Variants in METAP1D observed in about 807,000 individuals in gnomAD.
METAP1D encodes methionyl aminopeptidase type 1D, mitochondrial, also known as methionine aminopeptidase 1D, mitochondrial.
In METAP1D, 31 loss-of-function variants were observed where a neutral mutation model predicts 40.5. The ratio of observed to expected loss-of-function variants is 0.77; its 90% CI spans 0.58 to 1.03. The LOEUF is 1.03. METAP1D is among the 50% of genes least tolerant of loss of function. The pLI, the probability that METAP1D is intolerant of heterozygous loss-of-function variation, is 0.00. For missense variants in METAP1D, 411 were observed against 420.7 expected, an observed-to-expected ratio of 0.98 and a Z score of 0.20; for synonymous variants, 151 against 146.4, an observed-to-expected ratio of 1.03 and a Z score of -0.22.
At chr2:172,039,175 G>A (rs539143565) in intron 1 of METAP1D, among the ~76,000 whole-genome samples, 1 of 152,082 alleles carries the variant, frequency 6.6e-6, no homozygotes, top group Non-Finnish European at 1.5e-5. Context: ...GCTCTGCATT[G>A]TTTCTCCAAC....
At chr2:172,019,778 A>G (rs1305006878) in intron 1 of METAP1D, among the ~76,000 whole-genome samples, 1 of 152,150 alleles carries the variant, frequency 6.6e-6, no homozygotes, top group Admixed American at 6.6e-5. Flanking sequence ...CTCAAGTACC[A>G]TTTGATTTAG....
chr2:172,030,072 A>ATTTT (rs1166117446), intron 1 of METAP1D, among the ~76,000 whole-genome samples: 2 of 141,392 alleles, frequency 1.4e-5, no homozygotes, highest in Non-Finnish European at 3.1e-5. Context: ...CCTACATTTT[A>ATTTT]TTTTATTTTA....
intron 7 of METAP1D, among the ~76,000 whole-genome samples, chr2:172,078,875 C>T (rs1419067968): frequency 2.6e-5 from 4 of 152,138 alleles, no homozygotes; most frequent in Non-Finnish European, 4.4e-5. Context: ...AGGCCCAGGA[C>T]CCAGTAGTAG....
intron 1 of METAP1D, among the ~76,000 whole-genome samples, chr2:172,042,693 ACACATATACGTGTGTG>A: frequency 5.6e-5 from 1 of 17,762 alleles, no homozygotes; most frequent in African/African-American, 1.3e-4. Flanking sequence ...GTATATGTGT[ACACATATACGTGTGTG>A]TGTGTATATG....
chr2:172,073,802 A>AC (rs564720935), intron 6 of METAP1D, among the ~76,000 whole-genome samples: 65 of 152,312 alleles, frequency 4.3e-4, no homozygotes, highest in Non-Finnish European at 8.1e-4. Context: ...AGGTTTACAA[A>AC]CATCTTTCAA....
At chr2:172,016,300 A>AATATATATATATATATATATAT (rs1188835723) in intron 1 of METAP1D, among the ~76,000 whole-genome samples, 8 of 40,056 alleles carry the variant, frequency 2.0e-4, no homozygotes, top group Non-Finnish European at 3.2e-4. Flanking sequence ...AAAAAAAAAA[A>AATATATATATATATATATATAT]ATATATATAT....
intron 1 of METAP1D, among the ~76,000 whole-genome samples, chr2:172,035,072 G>C (rs1177195839): frequency 6.7e-6 from 1 of 150,340 alleles, no homozygotes; most frequent in Non-Finnish European, 1.5e-5. Context: ...GAAATATGTA[G>C]AGAGAAACGT....
intron 1 of METAP1D, among the ~76,000 whole-genome samples, chr2:172,016,300 A>AAAATATAT (rs1553490378): frequency 4.2e-4 from 17 of 40,050 alleles, no homozygotes; most frequent in Admixed American, 1.4e-3. Flanking sequence ...AAAAAAAAAA[A>AAAATATAT]ATATATATAT....
At chr2:172,043,003 A>G (rs1358359684) in intron 1 of METAP1D, among the ~76,000 whole-genome samples, 3 of 100,316 alleles carry the variant, frequency 3.0e-5, no homozygotes, top group African/African-American at 5.5e-5. Flanking sequence ...GTGTACACAT[A>G]TATGTGTATG....
At chr2:172,015,573 G>A (rs1688835570) in intron 1 of METAP1D, among the ~76,000 whole-genome samples, 1 of 152,208 alleles carries the variant, frequency 6.6e-6, no homozygotes, top group East Asian at 1.9e-4. Flanking sequence ...CATAAGTTGA[G>A]ATGGGCTGTT....
intron 1 of METAP1D, among the ~76,000 whole-genome samples, chr2:172,009,068 T>C (rs1420474996): frequency 3.3e-5 from 5 of 150,824 alleles, no homozygotes; most frequent in Middle Eastern, 3.4e-3. Context: ...TGAGACAGAG[T>C]CTCGCCGTGT....
In METAP1D at chr2:172,042,197, A is replaced by G. The variant is rs1439946661; in HGVS notation, c.41-19301A>G. Among the ~76,000 whole-genome samples, 172 of 43,422 alleles carry G rather than the reference A, an allele frequency of 4.0e-3. 30 individuals carry two copies. The highest frequency in any genetic ancestry group is 9.7e-3 in the African/African-American group (165 of 16,938). The allele number at this position is 43,422 out of a possible 152,430, so 28.5% of individuals were successfully genotyped here. A position where few individuals can be genotyped will look rare whatever the true frequency, so the allele number is the denominator to read the frequency against. ...TACATATGTATGTGTACATGTGTAC[A>G]CATATACATATGTATGTGTACATGT... On this transcript the variant is annotated intron_variant, in intron 1 of 9. Transcript: ENST00000315796.
intron 1 of METAP1D, among the ~76,000 whole-genome samples, chr2:172,050,867 A>C (rs1462381356): frequency 6.6e-6 from 1 of 152,204 alleles, no homozygotes; most frequent in Non-Finnish European, 1.5e-5. Context: ...AACTAGAATG[A>C]ATTATTACAT....
intron 1 of METAP1D, among the ~76,000 whole-genome samples, chr2:172,060,407 AC>A (rs1254527852): frequency 8.0e-6 from 1 of 125,710 alleles, no homozygotes; most frequent in East Asian, 2.7e-4. Context: ...ACAGAGCAAG[AC>A]CCTGTCTCAA....
intron 1 of METAP1D, among the ~76,000 whole-genome samples, chr2:172,041,413 C>T (rs1463671810): frequency 8.2e-6 from 1 of 121,940 alleles, no homozygotes; most frequent in Non-Finnish European, 1.9e-5. Context: ...GAGCCGATAT[C>T]GTGCCACTGC....
Position 172,077,894 on chromosome 2 carries a change from G to C in METAP1D, c.802G>C (p.Ala268Pro). The C allele has an allele frequency of 6.4e-7, 1 of 1,568,184 alleles. No homozygotes were observed. The highest frequency in any genetic ancestry group is 8.8e-7 in the Non-Finnish European group (1 of 1,140,690). Residue 268 changes from alanine (A) to proline (P), a missense_variant and splice_region_variant, in exon 7 of 10, where the codon GCA becomes CCA. Ala to Pro is a conservative substitution (Grantham distance 27, BLOSUM62 -1). Transcript: ENST00000315796. ...FHGHPEIWHH[A>P]NDSDLPMEEG... ...TGGACATCCAGAAATTTGGCATCAT[G>C]GTAAGAAAGTTCATTTGGAGGCTGT... is the stretch of plus-strand genomic sequence containing the variant.
intron 1 of METAP1D, among the ~76,000 whole-genome samples, chr2:172,051,261 G>C (rs749548704): frequency 3.3e-5 from 5 of 151,972 alleles, no homozygotes; most frequent in Non-Finnish European, 5.9e-5. Context: ...TAGCCTAAAG[G>C]AATTTTTTTT....
At chr2:172,041,751 TATA>T (rs1176731053) in intron 1 of METAP1D, among the ~76,000 whole-genome samples, 1 of 87,906 alleles carries the variant, frequency 1.1e-5, no homozygotes, top group African/African-American at 3.5e-5. Flanking sequence ...TATATATATA[TATA>T]TATATATATA....
At chr2:172,023,136 C>T (rs1187304592) in intron 1 of METAP1D, among the ~76,000 whole-genome samples, 2 of 152,056 alleles carry the variant, frequency 1.3e-5, no homozygotes, top group Non-Finnish European at 2.9e-5. Context: ...TGCAGTGAGC[C>T]GAGATCATGC....
Sources: gnomAD v4.1 joint callset for allele counts (sites outside exome capture counted in the v4.1 genomes callset) on GRCh38, gnomAD v4.1.1 for gene constraint, MANE v1.5 for transcripts, NCBI Gene and HGNC (gene_info 2026-07-23, HGNC 2026-07-21) for gene names.